MECOM: variants seen among roughly 807,000 people sequenced by gnomAD.
MECOM encodes histone-lysine N-methyltransferase MECOM.
Under a neutral mutation model 116.3 loss-of-function variants are expected in MECOM, and 13 were observed. The observed-to-expected ratio is 0.11, with a 90% confidence interval of 0.07 to 0.18. The LOEUF is 0.18. MECOM is among the 10% of genes least tolerant of loss of function. MECOM has a pLI of 1.00. For missense variants in MECOM, 1,299 were observed against 1,509.0 expected (o/e 0.86, Z 2.31); for synonymous variants, 528 against 535.2 (o/e 0.99, Z 0.19).
intron 13 of MECOM, 45 bp downstream of exon 13, chr3:169,095,031 C>T (rs182585574): frequency 3.5e-5 from 50 of 1,434,480 alleles, no homozygotes; most frequent in East Asian, 2.9e-4. Context: ...TTTTAAAACA[C>T]GAAAAAGAAG....
chr3:169,087,617 CA>C (rs758054177), intron 16 of MECOM, among the ~76,000 whole-genome samples: 3 of 151,786 alleles, frequency 2.0e-5, no homozygotes, highest in African/African-American at 7.3e-5. Flanking sequence ...AAACAAGTAA[CA>C]AAAAACCAAA....
At chr3:169,631,881 A>C (rs1560514232) in intron 1 of MECOM, among the ~76,000 whole-genome samples, 1 of 152,042 alleles carries the variant, frequency 6.6e-6, no homozygotes, top group East Asian at 1.9e-4. Context: ...TCTACACCCT[A>C]CAGTTTAGGA....
At chr3:169,541,740 T>C (rs1307654323) in intron 1 of MECOM, among the ~76,000 whole-genome samples, 2 of 151,888 alleles carry the variant, frequency 1.3e-5, no homozygotes, top group Non-Finnish European at 2.9e-5. Flanking sequence ...TGCTGCATTG[T>C]CCTGGCCAGC....
At chr3:169,098,513 C>T (rs760168053) in intron 12 of MECOM, among the ~76,000 whole-genome samples, 1 of 152,144 alleles carries the variant, frequency 6.6e-6, no homozygotes, top group African/African-American at 2.4e-5. Context: ...ATGATGCTGA[C>T]ATGTCTAACT....
At chr3:169,467,814 T>A (rs1232957110) in intron 1 of MECOM, among the ~76,000 whole-genome samples, 2 of 152,170 alleles carry the variant, frequency 1.3e-5, no homozygotes, top group African/African-American at 4.8e-5. Flanking sequence ...CTGGGAAAAC[T>A]TGGAGTGAAC....
In MECOM at chr3:169,617,398, T is replaced by G. The variant is rs556956543; in HGVS notation, c.37+45938A>C. Among the ~76,000 whole-genome samples the G allele has an allele frequency of 1.8e-4, 28 of 152,348 alleles. No individual in the cohort carries two copies. In the South Asian group the frequency reaches 5.6e-3, roughly 30 times the overall value. On this transcript the variant is annotated intron_variant, in intron 1 of 16. Coordinates refer to ENST00000651503, the MANE Select transcript of MECOM (RefSeq NM_004991.4). Reference sequence around the variant, plus strand: ...CCTGCGAATGTTGTTAAAACTCAGATTCTAGTTCAGTAGATCTGAGATGGG... The same window carrying G: ...CCTGCGAATGTTGTTAAAACTCAGAGTCTAGTTCAGTAGATCTGAGATGGG...
chr3:169,467,805 T>C (rs1748551158), intron 1 of MECOM, among the ~76,000 whole-genome samples: 1 of 152,136 alleles, frequency 6.6e-6, no homozygotes, highest in South Asian at 2.1e-4. Context: ...CAACAAGACC[T>C]GGGAAAACTT....
rs1560319005 is a variant in MECOM at position 169,472,647 on chromosome 3, GGAAAAGAAAAGAA to G, written c.38-91136_38-91124del. Among the ~76,000 whole-genome samples the G allele has an allele frequency of 6.4e-4, 32 of 50,086 alleles. 1 individual carries two copies. Among genetic ancestry groups the G allele is most frequent in the Admixed American group, 1.9e-3 (9 of 4,690 alleles). The allele number at this position is 50,086 out of a possible 152,430, so 32.9% of individuals were successfully genotyped here. On this transcript the variant is annotated intron_variant, in intron 1 of 16. Coordinates refer to ENST00000651503, the MANE Select transcript of MECOM (RefSeq NM_004991.4). ...GAAAAGAAAAGAAAAGGAAAGGAAA[GGAAAAGAAAAGAA>G]AGGAAAGGAAAGGAGAGGAGAGGAA... is the stretch of plus-strand genomic sequence containing the variant.
At chr3:169,302,742 T>C (rs1290670588) in intron 2 of MECOM, among the ~76,000 whole-genome samples, 4 of 151,870 alleles carry the variant, frequency 2.6e-5, no homozygotes, top group African/African-American at 7.3e-5. Flanking sequence ...CAGGCACCTG[T>C]AATCCCAGCT....
chr3:169,265,885 A>G lies in MECOM; in HGVS notation c.375+115302T>C, dbSNP rs76600541. ...GGACAAGGAGGTACGAGGCAGCAGT[A>G]CTGTGCTATTAAGCCATTCTTTACT... On this transcript the variant is annotated intron_variant, in intron 2 of 16. Coordinates refer to ENST00000651503, the MANE Select transcript of MECOM (RefSeq NM_004991.4). Among the ~76,000 whole-genome samples the G allele has an allele frequency of 2.8e-4, 42 of 151,876 alleles. No individual in the cohort carries two copies. In the East Asian group the frequency reaches 6.6e-3, roughly 24 times the overall value.
chr3:169,329,884 G>A (rs1215448538), intron 2 of MECOM, among the ~76,000 whole-genome samples: 1 of 152,146 alleles, frequency 6.6e-6, no homozygotes, highest in East Asian at 1.9e-4. Context: ...CAAGTGAGGG[G>A]GTAGAGAAGT....
intron 12 of MECOM, among the ~76,000 whole-genome samples, chr3:169,097,204 A>G (rs1002349433): frequency 6.6e-6 from 1 of 152,142 alleles, no homozygotes; most frequent in Non-Finnish European, 1.5e-5. Flanking sequence ...TGTTTCTGCC[A>G]TGCTTCTAAC....
At chr3:169,266,666 A>G (rs367804213) in intron 2 of MECOM, among the ~76,000 whole-genome samples, 9 of 152,312 alleles carry the variant, frequency 5.9e-5, no homozygotes, top group African/African-American at 2.2e-4. Flanking sequence ...CCCATATTAC[A>G]TTTGGTCTTT....
chr3:169,383,279 A>G (rs577999904), intron 1 of MECOM, among the ~76,000 whole-genome samples: 51 of 152,298 alleles, frequency 3.3e-4, no homozygotes, highest in African/African-American at 1.1e-3. Context: ...ACTGAATTCC[A>G]GAACCCAACC....
chr3:169,548,076 C>A (rs1760944897), intron 1 of MECOM, among the ~76,000 whole-genome samples: 1 of 152,058 alleles, frequency 6.6e-6, no homozygotes, highest in South Asian at 2.1e-4. Context: ...TTTCCCCTTT[C>A]AGAAAAAATA....
At position 169,084,333 on chromosome 3, in the gene MECOM, G is replaced by GT. The variant is rs1457272027; in HGVS notation, c.*575dup. On this transcript the variant is annotated 3_prime_UTR_variant, in exon 17 of 17. Coordinates refer to ENST00000651503, the MANE Select transcript of MECOM (RefSeq NM_004991.4). ...CCCTTTTTCCCTAGTTTTAAACAAT[G>GT]TACTTAAGAAGGCAAAAGGGGGAAC... 4.3e-6 allele frequency: 1 copy of GT among 230,978 alleles called. No homozygotes were observed. The highest frequency in any genetic ancestry group is 6.2e-5 in the East Asian group (1 of 16,190). The allele number at this position is 230,978 out of a possible 1,614,324, so 14.3% of individuals were successfully genotyped here.
At chr3:169,319,185 T>A (rs1028135928) in intron 2 of MECOM, among the ~76,000 whole-genome samples, 12 of 151,266 alleles carry the variant, frequency 7.9e-5, no homozygotes, top group African/African-American at 2.2e-4. Flanking sequence ...CAAATGCCCA[T>A]CAGTGATCGA....
chr3:169,131,469 G>C lies in MECOM; in HGVS notation c.573C>G (p.Ser191Arg), dbSNP rs775007213. The C allele has an allele frequency of 6.2e-7, 1 of 1,613,782 alleles. No individual in the cohort carries two copies. The highest frequency in any genetic ancestry group is 8.5e-7 in the Non-Finnish European group (1 of 1,180,008). Residue 191 changes from serine to arginine, a missense_variant, in exon 4 of 17, where the codon AGC (serine) becomes AGG (arginine). Coordinates refer to ENST00000651503, the MANE Select transcript of MECOM (RefSeq NM_004991.4). ...CCATAGTTTCATGGGGATAGTCTTC[G>C]CTCTTCATGAACAGCAGAAGCTCCT... ...PGEELLLFMK[S>R]EDYPHETMAP... is the part of the protein sequence containing the mutation.
intron 2 of MECOM, among the ~76,000 whole-genome samples, chr3:169,357,508 AT>A (rs913749203): frequency 6.6e-6 from 1 of 151,672 alleles, no homozygotes; most frequent in East Asian, 1.9e-4. Flanking sequence ...TTAAGAGGCA[AT>A]TTTTTTTCTG....
Sources: gnomAD v4.1 joint callset for allele counts (sites outside exome capture counted in the v4.1 genomes callset) on GRCh38, gnomAD v4.1.1 for gene constraint, MANE v1.5 for transcripts, NCBI Gene and HGNC (gene_info 2026-07-23, HGNC 2026-07-21) for gene names.